ESR1: variants seen among roughly 807,000 people sequenced by gnomAD.
ESR1 encodes estrogen receptor.
A neutral mutation model predicts 52.7 loss-of-function variants in ESR1; 12 were observed. The ratio of observed to expected loss-of-function variants is 0.23; its 90% CI spans 0.15 to 0.37. ESR1 has a LOEUF of 0.37. Ranked by LOEUF, ESR1 falls within the 10% of genes least tolerant of loss-of-function variation. The pLI, the probability that ESR1 is intolerant of heterozygous loss-of-function variation, is 1.00. For synonymous variants in ESR1, 305 were observed against 316.8 expected, an observed-to-expected ratio of 0.96 and a Z score of 0.39; for missense variants, 584 against 779.7, an observed-to-expected ratio of 0.75 and a Z score of 2.99.
intron 6 of ESR1, among the ~76,000 whole-genome samples, chr6:152,072,181 T>C (rs930708022): frequency 6.6e-6 from 1 of 152,244 alleles, no homozygotes; most frequent in Non-Finnish European, 1.5e-5. Context: ...AATTATCTTC[T>C]CTCAGAGCAT....
chr6:151,886,844 C>T (rs759117398), intron 3 of ESR1, among the ~76,000 whole-genome samples: 5 of 151,874 alleles, frequency 3.3e-5, no homozygotes, highest in Non-Finnish European at 7.4e-5. Context: ...AGTTTGAGAC[C>T]AGCCTGACCA....
chr6:151,869,279 TGAA>T (rs1790526644), intron 2 of ESR1, among the ~76,000 whole-genome samples: 1 of 152,022 alleles, frequency 6.6e-6, no homozygotes, highest in Admixed American at 6.5e-5. Flanking sequence ...TCGAACAGAG[TGAA>T]GGAGAGGGGT....
At chr6:151,884,508 C>T (rs1793509747) in intron 3 of ESR1, among the ~76,000 whole-genome samples, 1 of 152,176 alleles carries the variant, frequency 6.6e-6, no homozygotes, top group Admixed American at 6.5e-5. Flanking sequence ...AGTTTAGTTT[C>T]AGTTAAAAGA....
chr6:152,064,198 G>A (rs2047781689), intron 6 of ESR1, among the ~76,000 whole-genome samples: 1 of 152,226 alleles, frequency 6.6e-6, no homozygotes, highest in South Asian at 2.1e-4. Flanking sequence ...GACATTCTGA[G>A]AACTAGCTGG....
In ESR1 at chr6:151,808,331, C is replaced by A. The variant is rs759765625; in HGVS notation, c.419C>A (p.Thr140Lys). 1.1e-5 allele frequency: 15 copies of A among 1,337,748 alleles called. No homozygotes were observed. The highest frequency in any genetic ancestry group is 1.5e-5 in the Non-Finnish European group (15 of 1,014,178). The allele number at this position is 1,337,748 out of a possible 1,614,324, so 82.9% of individuals were successfully genotyped here. ...CTGGAGAACGAGCCCAGCGGCTACACGGTGCGCGAGGCCGGCCCGCCGGCA... is the reference window on the plus strand; with the variant it reads ...CTGGAGAACGAGCCCAGCGGCTACAAGGTGCGCGAGGCCGGCCCGCCGGCA... ...YYLENEPSGY[T>K]VREAGPPAFY... is the part of the protein sequence containing the mutation. The change falls in exon 1 of 8, where the codon ACG (threonine) becomes AAG (lysine). Residue 140 changes from threonine to lysine, a missense_variant. This residue lies in a region of ESR1 where 251 missense variants were observed against 246.1 expected (regional missense o/e 1.02). Transcript: ENST00000206249.
Position 151,842,806 on chromosome 6 carries a change from C to A in ESR1, c.643+19C>A. ...ATTCAAGGTAATAGTGTGTTGAAAA[C>A]GACTTCTATTTTTGATCCTATGAGC... On this transcript the variant is annotated intron_variant, in intron 2 of 7. Coordinates refer to ENST00000206249, the MANE Select transcript of ESR1 (RefSeq NM_000125.4). 6.2e-7 allele frequency: 1 copy of A among 1,610,770 alleles called. No homozygotes were observed. Among genetic ancestry groups the A allele is most frequent in the South Asian group, 1.1e-5 (1 of 91,024 alleles).
In ESR1 at chr6:151,842,667, G is replaced by A. The variant is rs1784486421; in HGVS notation, c.523G>A (p.Ala175Thr). 1 of 1,613,918 alleles carries A rather than the reference G, an allele frequency of 6.2e-7. No individual in the cohort carries two copies. Among genetic ancestry groups the A allele is most frequent in the Non-Finnish European group, 8.5e-7 (1 of 1,179,936 alleles). The change falls in exon 2 of 8, where the codon GCT becomes ACT. Residue 175 changes from alanine to threonine, a missense_variant. Physicochemically the swap from Ala to Thr is moderately conservative, Grantham distance 58. Transcript: ENST00000206249. ...CAGTACCAATGACAAGGGAAGTATG[G>A]CTATGGAATCTGCCAAGGAGACTCG... ...LASTNDKGSM[A>T]MESAKETRYC...
At chr6:151,927,471 G>A (rs928961169) in intron 3 of ESR1, among the ~76,000 whole-genome samples, 1 of 152,070 alleles carries the variant, frequency 6.6e-6, no homozygotes, top group Non-Finnish European at 1.5e-5. Flanking sequence ...TGAGCCAGAT[G>A]ATTTCTTTAG....
intron 4 of ESR1, among the ~76,000 whole-genome samples, chr6:151,982,081 A>G (rs901771004): frequency 5.9e-5 from 9 of 152,266 alleles, no homozygotes; most frequent in African/African-American, 2.2e-4. Context: ...AATTCATTCA[A>G]TAAAAACGTA....
At chr6:152,040,014 C>A (rs1406256667) in intron 5 of ESR1, among the ~76,000 whole-genome samples, 1 of 152,182 alleles carries the variant, frequency 6.6e-6, no homozygotes, top group Admixed American at 6.5e-5. Flanking sequence ...GCAGGATAGG[C>A]AAACCCATAT....
chr6:151,882,732 C>T (rs1280904417), intron 3 of ESR1, among the ~76,000 whole-genome samples: 1 of 151,588 alleles, frequency 6.6e-6, no homozygotes, highest in Non-Finnish European at 1.5e-5. Flanking sequence ...GGTACCCATG[C>T]ATTGACCCCA....
chr6:151,741,745 C>G (rs189781881), intron 2 of ESR1, among the ~76,000 whole-genome samples: 1 of 152,124 alleles, frequency 6.6e-6, no homozygotes, highest in Non-Finnish European at 1.5e-5. Context: ...ATGATTACTA[C>G]AGTGAGGCAA....
chr6:151,944,311 G>A lies in ESR1; in HGVS notation c.899G>A (p.Arg300His), dbSNP rs371610514. 2.1e-5 allele frequency: 34 copies of A among 1,613,982 alleles called. No individual in the cohort carries two copies. The highest frequency in any genetic ancestry group is 6.7e-5 in the Admixed American group (4 of 59,990). ...TGGCCAAGCCCGCTCATGATCAAAC[G>A]CTCTAAGAAGAACAGCCTGGCCTTG... ...NLWPSPLMIK[R>H]SKKNSLALSL... Residue 300 changes from arginine to histidine, a missense_variant, in exon 4 of 8, where the codon CGC becomes CAC. Arg to His is a conservative substitution (Grantham distance 29). Transcript: ENST00000206249.
At chr6:151,709,939 A>G (rs1373516076) in intron 2 of ESR1, among the ~76,000 whole-genome samples, 1 of 151,296 alleles carries the variant, frequency 6.6e-6, no homozygotes, top group Non-Finnish European at 1.5e-5. Context: ...TCTTCTAAAA[A>G]TTTCTATGTT....
chr6:151,952,397 C>T (rs1193407430), intron 4 of ESR1, among the ~76,000 whole-genome samples: 4 of 152,158 alleles, frequency 2.6e-5, no homozygotes, highest in Non-Finnish European at 4.4e-5. Context: ...CCTTGGCCCA[C>T]GCTTTCCCCT....
chr6:151,669,150 GAGA>G, intron 1 of ESR1, among the ~76,000 whole-genome samples: 1 of 107,920 alleles, frequency 9.3e-6, no homozygotes, highest in African/African-American at 3.4e-5. Flanking sequence ...GGAGCTGGGA[GAGA>G]GAGAGAGAGA....
At chr6:152,076,966 A>C (rs2048785353) in intron 6 of ESR1, among the ~76,000 whole-genome samples, 1 of 152,238 alleles carries the variant, frequency 6.6e-6, no homozygotes, top group South Asian at 2.1e-4. Context: ...GGAGAAATTC[A>C]AGCTGGCTGC....
intron 4 of ESR1, among the ~76,000 whole-genome samples, chr6:151,948,884 TCTCATC>T (rs1393595825): frequency 6.6e-6 from 1 of 152,176 alleles, no homozygotes; most frequent in African/African-American, 2.4e-5. Flanking sequence ...CTTCTCTGCC[TCTCATC>T]CTCATCCTCA....
chr6:151,724,278 C>T (rs551436851), intron 2 of ESR1, among the ~76,000 whole-genome samples: 1 of 152,120 alleles, frequency 6.6e-6, no homozygotes, highest in African/African-American at 2.4e-5. Context: ...TAAATGACTC[C>T]CTGAAAACAG....
Sources: allele counts gnomAD v4.1 joint callset (sites outside exome capture counted in the v4.1 genomes callset), GRCh38; gene constraint gnomAD v4.1.1; regional missense constraint gnomAD v4.1.1; transcripts MANE v1.5; gene names NCBI Gene and HGNC (gene_info 2026-07-23, HGNC 2026-07-21).